KIAA0825: variants seen among roughly 807,000 people sequenced by gnomAD.
KIAA0825 encodes the protein uncharacterized protein KIAA0825.
In KIAA0825, 119 loss-of-function variants were observed where a neutral mutation model predicts 147.6. The ratio of observed to expected loss-of-function variants is 0.81; its 90% CI spans 0.69 to 0.94. The LOEUF is 0.94. Among genes scored for constraint, KIAA0825 ranks in the 40% least tolerant of loss-of-function variants. The pLI is 0.00. For synonymous variants in KIAA0825, 470 were observed against 518.1 expected, an observed-to-expected ratio of 0.91 and a Z score of 1.26; for missense variants, 1,381 against 1,472.7, an observed-to-expected ratio of 0.94 and a Z score of 1.02.
At chr5:94,234,353 A>G (rs919086819) in intron 20 of KIAA0825, among the ~76,000 whole-genome samples, 1 of 151,942 alleles carries the variant, frequency 6.6e-6, no homozygotes, top group African/African-American at 2.4e-5. Context: ...CCTGGGCAAC[A>G]GAGCGAGACT....
At chr5:94,269,897 C>G (rs2150141318) in intron 20 of KIAA0825, among the ~76,000 whole-genome samples, 1 of 151,972 alleles carries the variant, frequency 6.6e-6, no homozygotes, top group African/African-American at 2.4e-5. Flanking sequence ...ATACACAAAC[C>G]TTTAGCCTGG....
intron 5 of KIAA0825, among the ~76,000 whole-genome samples, chr5:94,500,433 A>T (rs1053899424): frequency 6.6e-6 from 1 of 152,182 alleles, no homozygotes; most frequent in African/African-American, 2.4e-5. Context: ...AAAATGTAAA[A>T]TCTTGGTGAT....
chr5:94,576,292 C>T (rs186422998), intron 2 of KIAA0825, among the ~76,000 whole-genome samples: 1 of 152,290 alleles, frequency 6.6e-6, no homozygotes, highest in Admixed American at 6.5e-5. Context: ...TCCCCTCCAA[C>T]ACTGATGTTG....
chr5:94,565,876 C>A (rs894649928), intron 2 of KIAA0825, among the ~76,000 whole-genome samples: 5 of 152,128 alleles, frequency 3.3e-5, no homozygotes, highest in Admixed American at 3.3e-4. Flanking sequence ...AAATACTTAT[C>A]ATTTATTCTT....
chr5:94,325,062 A>G (rs1324797849), intron 20 of KIAA0825, among the ~76,000 whole-genome samples: 3 of 152,038 alleles, frequency 2.0e-5, no homozygotes, highest in Admixed American at 6.6e-5. Flanking sequence ...CTTTAACACC[A>G]TTAACATTTA....
chr5:94,345,255 T>C (rs1362163994), intron 20 of KIAA0825, among the ~76,000 whole-genome samples: 1 of 152,192 alleles, frequency 6.6e-6, no homozygotes, highest in Non-Finnish European at 1.5e-5. Flanking sequence ...GTTTGCCTTA[T>C]GATACTTTAT....
intron 2 of KIAA0825, among the ~76,000 whole-genome samples, chr5:94,576,451 G>A (rs768947670): frequency 2.0e-5 from 3 of 152,036 alleles, no homozygotes; most frequent in Non-Finnish European, 4.4e-5. Flanking sequence ...GGAGTGGGAC[G>A]GTGGTTTTAT....
intron 1 of KIAA0825, among the ~76,000 whole-genome samples, chr5:94,613,743 A>C (rs552161738): frequency 6.6e-6 from 1 of 152,216 alleles, no homozygotes; most frequent in Admixed American, 6.5e-5. Flanking sequence ...CACAGTGTAT[A>C]TCCAAGAGTT....
At chr5:94,294,695 C>G (rs976343944) in intron 20 of KIAA0825, among the ~76,000 whole-genome samples, 1 of 152,198 alleles carries the variant, frequency 6.6e-6, no homozygotes, top group Non-Finnish European at 1.5e-5. Flanking sequence ...CATTGCACTC[C>G]AGCCTTGGCA....
At chr5:94,182,233 A>C (rs1370512490) in intron 20 of KIAA0825, among the ~76,000 whole-genome samples, 1 of 114,150 alleles carries the variant, frequency 8.8e-6, no homozygotes, top group Non-Finnish European at 1.8e-5. Context: ...TTCAAGACAT[A>C]ACTTAAAATG....
intron 1 of KIAA0825, among the ~76,000 whole-genome samples, chr5:94,612,268 T>C (rs765536646): frequency 6.6e-6 from 1 of 152,190 alleles, no homozygotes; most frequent in East Asian, 1.9e-4. Flanking sequence ...GAAATTCAAA[T>C]GTATTTGTAA....
chr5:94,446,725 G>T (rs762407658), intron 13 of KIAA0825, among the ~76,000 whole-genome samples: 1 of 152,088 alleles, frequency 6.6e-6, no homozygotes, highest in Non-Finnish European at 1.5e-5. Flanking sequence ...TAAGGATAAC[G>T]GTGAATTCAT....
intron 1 of KIAA0825, among the ~76,000 whole-genome samples, chr5:94,598,887 G>C (rs1554054921): frequency 6.6e-6 from 1 of 152,088 alleles, no homozygotes; most frequent in Non-Finnish European, 1.5e-5. Flanking sequence ...TAGACGTTTA[G>C]GTTGATTTCA....
At chr5:94,366,924 G>GTT (rs1370477932) in intron 20 of KIAA0825, among the ~76,000 whole-genome samples, 1 of 152,220 alleles carries the variant, frequency 6.6e-6, no homozygotes, top group Non-Finnish European at 1.5e-5. Context: ...CACATTCTGT[G>GTT]TTTGACCTGA....
intron 15 of KIAA0825, among the ~76,000 whole-genome samples, chr5:94,411,807 C>T (rs1025637193): frequency 3.3e-5 from 5 of 152,140 alleles, no homozygotes; most frequent in South Asian, 2.1e-4. Context: ...ATTATCCAGG[C>T]GTGGTGGCTC....
intron 20 of KIAA0825, among the ~76,000 whole-genome samples, chr5:94,246,236 G>T (rs1472991242): frequency 6.6e-6 from 1 of 152,100 alleles, no homozygotes. Context: ...TTCCAAAGTG[G>T]CAAAGTGAAC....
chr5:94,536,347 T>C (rs1475148162), intron 3 of KIAA0825, among the ~76,000 whole-genome samples: 1 of 152,230 alleles, frequency 6.6e-6, no homozygotes, highest in Non-Finnish European at 1.5e-5. Context: ...TTACTGTGGT[T>C]TGCACATTTG....
At chr5:94,481,594 C>T (rs752044721) in intron 6 of KIAA0825, among the ~76,000 whole-genome samples, 1 of 151,988 alleles carries the variant, frequency 6.6e-6, no homozygotes, top group Non-Finnish European at 1.5e-5. Flanking sequence ...TGGAAGCCTT[C>T]GACCTCTCTG....
At chr5:94,217,663 A>G (rs1245432305) in intron 20 of KIAA0825, among the ~76,000 whole-genome samples, 4 of 152,232 alleles carry the variant, frequency 2.6e-5, no homozygotes, top group Non-Finnish European at 4.4e-5. Flanking sequence ...AGATAGAAGT[A>G]TAGTCCAGGA....
Sources: gnomAD v4.1 joint callset for allele counts (sites outside exome capture counted in the v4.1 genomes callset) on GRCh38, gnomAD v4.1.1 for gene constraint, MANE v1.5 for transcripts, NCBI Gene and HGNC (gene_info 2026-07-23, HGNC 2026-07-21) for gene names.